Variants in SLC9A7 observed in about 807,000 individuals in gnomAD.
The protein encoded by SLC9A7 is solute carrier family 9 member A7, also known as sodium/hydrogen exchanger 7.
Under a neutral mutation model 52.6 loss-of-function variants are expected in SLC9A7, and 19 were observed. The observed-to-expected ratio is 0.36, with a 90% CI of 0.25 to 0.53. The LOEUF (loss-of-function observed/expected upper bound fraction) is 0.53. Ranked by LOEUF, SLC9A7 falls within the 20% of genes least tolerant of loss-of-function variation. SLC9A7 has a pLI of 0.91. For missense variants in SLC9A7, 455 were observed against 597.9 expected (o/e 0.76, Z 2.49); for synonymous variants, 226 against 252.1 (o/e 0.90, Z 0.98).
chrX:46,704,747 T>C (rs1009307802), intron 1 of SLC9A7, among the ~76,000 whole-genome samples: 1 of 111,594 alleles, frequency 9.0e-6, no homozygotes, highest in East Asian at 2.8e-4. Context: ...ACCCAACTGG[T>C]GGACCCTGTA....
chrX:46,728,319 A>C, intron 1 of SLC9A7, among the ~76,000 whole-genome samples: 2 of 111,996 alleles, frequency 1.8e-5, no homozygotes, highest in South Asian at 7.4e-4. Context: ...TAGACAAAAA[A>C]AGATAAATTT....
Position 46,605,560 on chromosome X carries a change from T to C in SLC9A7, c.*1392A>G, listed in dbSNP as rs1942730695. On this transcript the variant is annotated 3_prime_UTR_variant, in exon 17 of 17. Transcript: ENST00000616978. ...TTTCTAGTGGGCTGAAAATACTTAA[T>C]GTTCCATTGTTTGCCCTCTGATTCC... 1 of 112,047 alleles carries C rather than the reference T, an allele frequency of 8.9e-6. No individual in the cohort carries two copies. 9.2% of individuals were successfully genotyped at this position (112,047 alleles called of 1,213,427 possible). A position where few individuals can be genotyped will look rare whatever the true frequency, so the allele number is the denominator to read the frequency against.
At chrX:46,641,601 G>T (rs997884515) in intron 12 of SLC9A7, among the ~76,000 whole-genome samples, 5 of 112,060 alleles carry the variant, frequency 4.5e-5, no homozygotes, top group Admixed American at 3.8e-4. Context: ...AAAAGTAAGA[G>T]ACTGTAAATT....
rs1922930411 is a variant in SLC9A7, at chrX:46,759,076, G to T, written c.-47C>A. On this transcript the variant is annotated 5_prime_UTR_variant, in exon 1 of 17. Transcript: ENST00000616978. ...TCCTCCGAGCGGGGACCAGCAGCCC[G>T]CGCCGTCGGCGGGTTCTGGCAGCAC... 1.2e-6 allele frequency: 1 copy of T among 828,279 alleles called. No homozygotes were observed. The highest frequency in any genetic ancestry group is 6.4e-5 in the Admixed American group (1 of 15,625). 68.3% of individuals were successfully genotyped at this position (828,279 alleles called of 1,213,427 possible).
In SLC9A7 at chrX:46,759,113, C is replaced by G. The variant is rs191507051; in HGVS notation, c.-84G>C. On this transcript the variant is annotated 5_prime_UTR_variant, in exon 1 of 17. Coordinates refer to ENST00000616978, the MANE Select transcript of SLC9A7 (RefSeq NM_001257291.2). Reference sequence around the variant, plus strand: ...GGTTCTGGCAGCACCGCGGACCTGCCGGAGTGGCCGTGGCCGCTGCAGCTC... The same window carrying G: ...GGTTCTGGCAGCACCGCGGACCTGCGGGAGTGGCCGTGGCCGCTGCAGCTC... 4.1e-5 allele frequency: 26 copies of G among 627,533 alleles called. No homozygotes were observed. Among genetic ancestry groups the G allele is most frequent in the African/African-American group, 3.4e-4 (14 of 41,308 alleles). 51.7% of individuals were successfully genotyped at this position (627,533 alleles called of 1,213,427 possible).
At chrX:46,695,439 A>G (rs1234838862) in intron 1 of SLC9A7, among the ~76,000 whole-genome samples, 1 of 112,464 alleles carries the variant, frequency 8.9e-6, no homozygotes, top group East Asian at 2.8e-4. Flanking sequence ...AGGACCCTGG[A>G]AGAAACAGAG....
At chrX:46,665,557 C>CA (rs754854403) in intron 5 of SLC9A7, among the ~76,000 whole-genome samples, 2,206 of 20,926 alleles carry the variant, frequency 0.11, 160 homozygotes, top group African/African-American at 0.22. Context: ...GACTCCATCT[C>CA]AAAAAAAAAA....
At chrX:46,713,130 A>C (rs1035680121) in intron 1 of SLC9A7, among the ~76,000 whole-genome samples, 1 of 112,437 alleles carries the variant, frequency 8.9e-6, no homozygotes, top group Non-Finnish European at 1.9e-5. Flanking sequence ...AAATTCTCAA[A>C]GCTGTCAGAT....
chrX:46,686,027 GA>G (rs1249986357), intron 1 of SLC9A7, among the ~76,000 whole-genome samples: 1 of 112,138 alleles, frequency 8.9e-6, no homozygotes, highest in Non-Finnish European at 1.9e-5. Context: ...ACTCTAACAA[GA>G]GAGGGTTTAT....
chrX:46,711,898 T>TTTCACACA (rs778780340), intron 1 of SLC9A7, among the ~76,000 whole-genome samples: 2,331 of 12,505 alleles, frequency 0.19, 40 homozygotes, highest in Non-Finnish European at 0.25. Context: ...AGCCTCTAAA[T>TTTCACACA]TACACACACA....
chrX:46,695,083 T>C (rs1028052173), intron 1 of SLC9A7, among the ~76,000 whole-genome samples: 2 of 112,354 alleles, frequency 1.8e-5, no homozygotes, highest in African/African-American at 6.5e-5. Flanking sequence ...GCATGAAGGA[T>C]CCTATTGGGA....
rs759843588 is a variant in SLC9A7 at position 46,607,008 on chromosome X, G to A, written c.2125C>T (p.Gln709Ter). Residue 709 changes from glutamine to a stop codon, truncating the protein, a stop_gained, in exon 17 of 17, where the codon CAG becomes TAG. Transcript: ENST00000616978. LOFTEE classifies it high-confidence loss of function. Reference sequence around the variant, plus strand: ...CGGGTGCCCCGGCTCGAAACCTTCTGGTCTCCCATTCCCAGGTCTCGCTCC... The same window carrying A: ...CGGGTGCCCCGGCTCGAAACCTTCTAGTCTCCCATTCCCAGGTCTCGCTCC... ...VLERDLGMGD[Q>*]KVSSRGTRLV... The A allele has an allele frequency of 8.3e-7, 1 of 1,211,200 alleles. No homozygotes were observed. The highest frequency in any genetic ancestry group is 1.1e-6 in the Non-Finnish European group (1 of 895,348).
intron 7 of SLC9A7, among the ~76,000 whole-genome samples, chrX:46,654,554 T>C (rs1040007234): frequency 1.1e-4 from 12 of 111,041 alleles, no homozygotes; most frequent in African/African-American, 3.9e-4. Context: ...AGAGGCATGG[T>C]CATGACGTCA....
At chrX:46,678,146 T>G (rs1387877312) in intron 3 of SLC9A7, among the ~76,000 whole-genome samples, 3 of 111,214 alleles carry the variant, frequency 2.7e-5, no homozygotes, top group Non-Finnish European at 5.7e-5. Flanking sequence ...TTTCCTCCCT[T>G]TTTCTCAACT....
chrX:46,612,349 CCTTG>C (rs1333121346), intron 16 of SLC9A7, among the ~76,000 whole-genome samples: 2 of 111,644 alleles, frequency 1.8e-5, no homozygotes, highest in Admixed American at 1.9e-4. Context: ...TGGGTAGCTA[CCTTG>C]CTCTCTCTAC....
intron 1 of SLC9A7, among the ~76,000 whole-genome samples, chrX:46,698,389 C>T (rs1019861076): frequency 2.7e-5 from 3 of 111,684 alleles, no homozygotes; most frequent in South Asian, 3.7e-4. Flanking sequence ...AGCTGGCCGA[C>T]GCTTAAGGAA....
At chrX:46,730,670 T>TTACATATATA (rs1945017006) in intron 1 of SLC9A7, among the ~76,000 whole-genome samples, 1 of 42,928 alleles carries the variant, frequency 2.3e-5, no homozygotes, top group Non-Finnish European at 4.7e-5. Flanking sequence ...AAAAAAAAAA[T>TTACATATATA]TATATATATA....
chrX:46,699,277 G>A (rs768660944), intron 1 of SLC9A7, among the ~76,000 whole-genome samples: 5 of 111,820 alleles, frequency 4.5e-5, no homozygotes, highest in South Asian at 3.7e-4. Context: ...GTTATATTGC[G>A]CCATGAAGCT....
chrX:46,667,235 G>A (rs1003867298), intron 5 of SLC9A7, among the ~76,000 whole-genome samples: 2 of 111,397 alleles, frequency 1.8e-5, no homozygotes, highest in Non-Finnish European at 3.8e-5. Context: ...CAGGCCACCC[G>A]ATCAGTGATT....
Sources: gnomAD v4.1 joint callset for allele counts (sites outside exome capture counted in the v4.1 genomes callset) on GRCh38, gnomAD v4.1.1 for gene constraint, MANE v1.5 for transcripts, NCBI Gene and HGNC (gene_info 2026-07-23, HGNC 2026-07-21) for gene names.